The following PTPRZ1 variants were observed in gnomAD, a reference collection of about 807,000 sequenced individuals.
PTPRZ1 encodes the protein protein tyrosine phosphatase receptor type Z1, also known as receptor-type tyrosine-protein phosphatase zeta.
A neutral mutation model predicts 214.1 loss-of-function variants in PTPRZ1; 82 were observed. The ratio of observed to expected loss-of-function variants is 0.38; its 90% CI spans 0.32 to 0.46. The LOEUF (loss-of-function observed/expected upper bound fraction) is 0.46. Among genes scored for constraint, PTPRZ1 ranks in the 20% least tolerant of loss-of-function variants. The pLI is 1.00. For synonymous variants in PTPRZ1, 945 were observed against 987.9 expected, an observed-to-expected ratio of 0.96 and a Z score of 0.81; for missense variants, 2,603 against 2,748.7, an observed-to-expected ratio of 0.95 and a Z score of 1.19.
At chr7:121,920,076 A>G (rs1363183807) in intron 1 of PTPRZ1, among the ~76,000 whole-genome samples, 1 of 152,148 alleles carries the variant, frequency 6.6e-6, no homozygotes, top group Non-Finnish European at 1.5e-5. Context: ...AAAATAGTTC[A>G]TATCTTTGTT....
chr7:122,006,105 A>G (rs993409571), intron 11 of PTPRZ1, among the ~76,000 whole-genome samples: 1 of 152,106 alleles, frequency 6.6e-6, no homozygotes, highest in Non-Finnish European at 1.5e-5. Flanking sequence ...TAGGCTACAC[A>G]TGTGACTTTA....
intron 1 of PTPRZ1, among the ~76,000 whole-genome samples, chr7:121,891,109 C>T (rs534643008): frequency 2.0e-5 from 3 of 152,180 alleles, no homozygotes; most frequent in South Asian, 2.1e-4. Flanking sequence ...GCTGTTCTCT[C>T]CATTTGGAAT....
At chr7:122,005,414 G>C (rs1798456240) in intron 11 of PTPRZ1, among the ~76,000 whole-genome samples, 1 of 151,908 alleles carries the variant, frequency 6.6e-6, no homozygotes. Flanking sequence ...TTGTGTAGGA[G>C]CTGATAAAAG....
At chr7:121,886,010 T>C (rs1201667918) in intron 1 of PTPRZ1, among the ~76,000 whole-genome samples, 1 of 152,184 alleles carries the variant, frequency 6.6e-6, no homozygotes, top group Non-Finnish European at 1.5e-5. Context: ...CTTTATGCGA[T>C]GAGTTCTCAC....
chr7:121,885,796 T>C (rs1320908679), intron 1 of PTPRZ1, among the ~76,000 whole-genome samples: 1 of 152,190 alleles, frequency 6.6e-6, no homozygotes, highest in Non-Finnish European at 1.5e-5. Flanking sequence ...ATTAGAATTC[T>C]ATAGCATCTG....
At chr7:121,982,375 AT>A (rs1304411526) in intron 6 of PTPRZ1, among the ~76,000 whole-genome samples, 2 of 152,028 alleles carry the variant, frequency 1.3e-5, no homozygotes, top group Non-Finnish European at 2.9e-5. Context: ...TTTTCTTTGG[AT>A]TTTTATTGAG....
chr7:121,894,118 C>A (rs1010528228), intron 1 of PTPRZ1, among the ~76,000 whole-genome samples: 2 of 152,052 alleles, frequency 1.3e-5, no homozygotes, highest in African/African-American at 4.8e-5. Flanking sequence ...CAAAGTTAGG[C>A]ATATTTCTAA....
At chr7:121,881,954 C>T (rs557526390) in intron 1 of PTPRZ1, among the ~76,000 whole-genome samples, 8 of 152,256 alleles carry the variant, frequency 5.3e-5, no homozygotes, top group African/African-American at 1.9e-4. Flanking sequence ...TTTTTGTTTA[C>T]TGTTATGAAA....
At chr7:122,004,742 A>G in intron 11 of PTPRZ1, 82 bp downstream of exon 11, 1 of 776,980 alleles carries the variant, frequency 1.3e-6, no homozygotes, top group African/African-American at 1.8e-5. Context: ...AGGTATTGCC[A>G]CATGAATAGA....
rs189006020 is a variant in PTPRZ1, at chr7:121,928,514, A to G, written c.124+293A>G. 3.2e-4 allele frequency among the ~76,000 whole-genome samples: 48 copies of G among 152,258 alleles called. 1 individual carries two copies. The highest frequency in any genetic ancestry group is 1.6e-3 in the Admixed American group (25 of 15,288). On this transcript the variant is annotated intron_variant, in intron 2 of 29. Transcript: ENST00000393386. ...ATAACCTGGGGCTCTGTTTTTTTCA[A>G]CGGTGAAATGGGGGGCTGTTCTGAG...
chr7:122,058,097 A>G (rs1345098412), intron 27 of PTPRZ1, among the ~76,000 whole-genome samples: 1 of 151,712 alleles, frequency 6.6e-6, no homozygotes, highest in African/African-American at 2.4e-5. Context: ...GCTTAGAGTA[A>G]TTCTTGATAT....
In PTPRZ1 at chr7:121,873,171, C is replaced by T; in HGVS notation, c.-329C>T. On this transcript the variant is annotated 5_prime_UTR_variant, in exon 1 of 30. Coordinates refer to ENST00000393386, the MANE Select transcript of PTPRZ1 (RefSeq NM_002851.3). ...GCTCTCGGAGCGCTCAGACCGCGGC[C>T]GCCGCAGCCGGCGAAAGAGGCAAAG... The T allele has an allele frequency of 2.4e-6, 1 of 413,500 alleles. No homozygotes were observed. Among genetic ancestry groups the T allele is most frequent in the Non-Finnish European group, 4.3e-6 (1 of 235,084 alleles). 25.6% of individuals were successfully genotyped at this position (413,500 alleles called of 1,614,324 possible).
intron 12 of PTPRZ1, among the ~76,000 whole-genome samples, chr7:122,015,794 A>G (rs2116673283): frequency 1.3e-5 from 2 of 152,170 alleles, no homozygotes; most frequent in East Asian, 3.9e-4. Flanking sequence ...TTTAATTATC[A>G]AGAGTGTGTT....
rs1164608508 is a variant in PTPRZ1, at chr7:122,019,142, A to C, written c.4862A>C (p.His1621Pro). Residue 1621 changes from histidine to proline, a missense_variant, in exon 13 of 30, where the codon CAT becomes CCT. His to Pro is a moderately conservative substitution (Grantham distance 77, BLOSUM62 -2). Around this residue, in one of 6 missense-constraint regions of PTPRZ1, gnomAD observed 1,913 missense variants for 1,914.3 expected, o/e 1.00. Transcript: ENST00000393386. ...ACTACAGAGGCCAGTAATAGTAGCCATGAGTCTCGTATTGGTCTAGCTGAG... is the reference window on the plus strand; with the variant it reads ...ACTACAGAGGCCAGTAATAGTAGCCCTGAGTCTCGTATTGGTCTAGCTGAG... ...VSEAEASNSS[H>P]ESRIGLAEGL... The C allele has an allele frequency of 2.5e-6, 4 of 1,611,766 alleles. No individual in the cohort carries two copies. Among genetic ancestry groups the C allele is most frequent in the Non-Finnish European group, 3.4e-6 (4 of 1,178,228 alleles).
chr7:122,032,083 A>G (rs1015464294), intron 15 of PTPRZ1: 3 of 152,198 alleles, frequency 2.0e-5, no homozygotes, highest in African/African-American at 7.2e-5. Flanking sequence ...GTTTTTTCCA[A>G]TGATATTCTG....
intron 1 of PTPRZ1, among the ~76,000 whole-genome samples, chr7:121,889,956 A>C (rs1170437069): frequency 6.6e-6 from 1 of 152,120 alleles, no homozygotes; most frequent in Non-Finnish European, 1.5e-5. Flanking sequence ...AGCCACATAC[A>C]TTGTACTCCA....
intron 1 of PTPRZ1, among the ~76,000 whole-genome samples, chr7:121,906,895 A>T (rs550567383): frequency 6.6e-6 from 1 of 152,192 alleles, no homozygotes; most frequent in African/African-American, 2.4e-5. Flanking sequence ...CAGTACACAT[A>T]TGGAATAGTA....
intron 2 of PTPRZ1, among the ~76,000 whole-genome samples, chr7:121,943,428 C>T (rs1479516542): frequency 4.5e-4 from 69 of 152,174 alleles, no homozygotes; most frequent in Non-Finnish European, 1.3e-4. Context: ...CTCCACCTCC[C>T]GGGTTCACGC....
At chr7:122,050,092 A>G (rs1046078153) in intron 23 of PTPRZ1, among the ~76,000 whole-genome samples, 2 of 152,146 alleles carry the variant, frequency 1.3e-5, no homozygotes, top group African/African-American at 2.4e-5. Context: ...TTCAAGATGG[A>G]TTAACTACCT....
Sources: gnomAD v4.1 joint callset for allele counts (sites outside exome capture counted in the v4.1 genomes callset) on GRCh38, gnomAD v4.1.1 for gene constraint, gnomAD v4.1.1 regional missense constraint, MANE v1.5 for transcripts, NCBI Gene and HGNC (gene_info 2026-07-23, HGNC 2026-07-21) for gene names.